ABCA13: variants seen among roughly 807,000 people sequenced by gnomAD.
ABCA13 encodes ATP binding cassette subfamily A member 13, also known as ATP-binding cassette sub-family A member 13.
Under a neutral mutation model 478.7 loss-of-function variants are expected in ABCA13, and 476 were observed. The observed-to-expected ratio is 0.99, with a 90% CI of 0.92 to 1.07. The LOEUF (loss-of-function observed/expected upper bound fraction) is 1.07. Among genes scored for constraint, ABCA13 ranks in the 50% least tolerant of loss-of-function variants. The probability of loss-of-function intolerance (pLI) is 0.00; values close to 1 mark genes in which losing one functional copy is unlikely to be tolerated. For missense variants in ABCA13, 6,060 were observed against 5,910.6 expected (o/e 1.03, Z -0.83); for synonymous variants, 2,252 against 2,158.9 (o/e 1.04, Z -1.20).
intron 42 of ABCA13, among the ~76,000 whole-genome samples, chr7:48,433,765 T>C (rs2129148174): frequency 6.6e-6 from 1 of 152,200 alleles, no homozygotes; most frequent in Non-Finnish European, 1.5e-5. Flanking sequence ...AATGGTATCA[T>C]ACAGTATTTG....
At chr7:48,441,258 CT>C (rs1823551378) in intron 42 of ABCA13, among the ~76,000 whole-genome samples, 1 of 106,076 alleles carries the variant, frequency 9.4e-6, no homozygotes. Flanking sequence ...GATTTAGTTG[CT>C]TTTTGTGTTG....
chr7:48,545,995 C>T (rs977094760), intron 55 of ABCA13, among the ~76,000 whole-genome samples: 2 of 151,722 alleles, frequency 1.3e-5, no homozygotes, highest in African/African-American at 4.8e-5. Context: ...ACTGTTGCTT[C>T]CTTCAATTGA....
At chr7:48,222,321 A>G (rs1213853362) in intron 5 of ABCA13, among the ~76,000 whole-genome samples, 1 of 152,242 alleles carries the variant, frequency 6.6e-6, no homozygotes, top group Non-Finnish European at 1.5e-5. Context: ...TTAAAAAAGA[A>G]ATTATAATAC....
rs990688439 is a variant in ABCA13 at position 48,571,532 on chromosome 7, T to C, written c.14355-8692T>C. ...TTGACACTTTGTGTATGCCATCCTA[T>C]TGTGTTCTGGCCTCTGTGATGTCTG... On this transcript the variant is annotated intron_variant, in intron 55 of 61. Transcript: ENST00000435803. Among the ~76,000 whole-genome samples the C allele has an allele frequency of 3.3e-5, 5 of 152,158 alleles. No homozygotes were observed. The East Asian group carries it at 9.7e-4, about 29-fold the overall frequency.
At chr7:48,643,518 A>C (rs954759409) in intron 60 of ABCA13, 125 bp downstream of exon 60, 2 of 797,772 alleles carry the variant, frequency 2.5e-6, no homozygotes, top group Non-Finnish European at 4.1e-6. Context: ...GCCACATTGC[A>C]AAGTATAGGC....
intron 36 of ABCA13, 63 bp downstream of exon 36, chr7:48,388,022 T>C: frequency 6.4e-7 from 1 of 1,550,598 alleles, no homozygotes; most frequent in Non-Finnish European, 8.7e-7. Context: ...TGATTTTTTT[T>C]TGTTTGTTTT....
At chr7:48,225,646 T>C (rs576282028) in intron 5 of ABCA13, among the ~76,000 whole-genome samples, 1 of 152,350 alleles carries the variant, frequency 6.6e-6, no homozygotes, top group South Asian at 2.1e-4. Context: ...AGATCACTTA[T>C]TTTGTAGACT....
intron 35 of ABCA13, among the ~76,000 whole-genome samples, chr7:48,379,999 G>A (rs1324331938): frequency 1.3e-5 from 2 of 152,134 alleles, no homozygotes; most frequent in East Asian, 3.8e-4. Flanking sequence ...GTAGTGACAG[G>A]AAATAGAGGA....
chr7:48,383,217 G>A (rs956959999), intron 35 of ABCA13, among the ~76,000 whole-genome samples: 3 of 152,214 alleles, frequency 2.0e-5, no homozygotes, highest in Non-Finnish European at 4.4e-5. Flanking sequence ...TAGCTCCATT[G>A]CAAGAAACTG....
At chr7:48,205,510 T>C (rs909255360) in intron 3 of ABCA13, among the ~76,000 whole-genome samples, 1 of 152,262 alleles carries the variant, frequency 6.6e-6, no homozygotes, top group African/African-American at 2.4e-5. Flanking sequence ...TGTAGCTTTC[T>C]AATGTCTTGA....
At chr7:48,470,624 C>A (rs545765639) in intron 44 of ABCA13, among the ~76,000 whole-genome samples, 1 of 152,128 alleles carries the variant, frequency 6.6e-6, no homozygotes, top group Non-Finnish European at 1.5e-5. Flanking sequence ...TCAAAAATTA[C>A]GTAGACATTG....
Position 48,272,574 on chromosome 7 carries a change from C to A in ABCA13, c.2908C>A (p.Arg970=). The stretch of plus-strand genomic sequence containing the variant: ...TCTGCAAATTTATTCTTCATTTTAC[C>A]GATATATTTATGAATTATTGAATAT... ...LLLQIYSSFY[R]YIYELLNIQS... Residue 970 remains arginine (R), a synonymous_variant, in exon 17 of 62, where the codon CGA becomes AGA. Coordinates refer to ENST00000435803, the MANE Select transcript of ABCA13 (RefSeq NM_152701.5). The A allele has an allele frequency of 6.2e-7, 1 of 1,613,526 alleles. No individual in the cohort carries two copies.
In ABCA13 at chr7:48,278,489, A is replaced by T; in HGVS notation, c.7295A>T (p.His2432Leu). The T allele has an allele frequency of 1.2e-6, 2 of 1,613,818 alleles. No homozygotes were observed. Residue 2432 changes from histidine to leucine, a missense_variant, in exon 18 of 62, where the codon CAC becomes CTC. Coordinates refer to ENST00000435803, the MANE Select transcript of ABCA13 (RefSeq NM_152701.5). ...GCAAGACTTCTGGATACAATTTTAC[A>T]CTCTCCTAATAAGGACTTCTATGCT... ...EMARLLDTIL[H>L]SPNKDFYALY...
chr7:48,575,005 T>G (rs774747031), intron 55 of ABCA13, among the ~76,000 whole-genome samples: 1 of 152,130 alleles, frequency 6.6e-6, no homozygotes. Flanking sequence ...TACATTAACA[T>G]TTATAAATAT....
chr7:48,241,143 A>G, intron 10 of ABCA13, 77 bp downstream of exon 10: 3 of 1,489,306 alleles, frequency 2.0e-6, no homozygotes, highest in South Asian at 1.2e-5. Flanking sequence ...TGATACTGTT[A>G]GAAACACATT....
intron 32 of ABCA13, 110 bp downstream of exon 32, chr7:48,368,018 C>A: frequency 1.4e-6 from 1 of 738,004 alleles, no homozygotes; most frequent in Non-Finnish European, 2.2e-6. Context: ...CTTCCCTCTC[C>A]TCTGCTGGGG....
At chr7:48,294,746 C>T (rs1024264039) in intron 20 of ABCA13, among the ~76,000 whole-genome samples, 6 of 152,144 alleles carry the variant, frequency 3.9e-5, no homozygotes, top group Non-Finnish European at 7.3e-5. Flanking sequence ...GCGCCCGGCC[C>T]GTTTCTATGG....
intron 55 of ABCA13, among the ~76,000 whole-genome samples, chr7:48,541,778 T>G (rs1469147794): frequency 6.6e-6 from 1 of 150,446 alleles, no homozygotes; most frequent in Non-Finnish European, 1.5e-5. Context: ...ATCTTAGTTA[T>G]ATCTATATAT....
At chr7:48,619,855 G>T (rs1478834313) in intron 59 of ABCA13, among the ~76,000 whole-genome samples, 1 of 152,078 alleles carries the variant, frequency 6.6e-6, no homozygotes, top group Non-Finnish European at 1.5e-5. Flanking sequence ...CCAGACCCAG[G>T]GCTCTTATAT....
Sources: gnomAD v4.1 joint callset for allele counts (sites outside exome capture counted in the v4.1 genomes callset) on GRCh38, gnomAD v4.1.1 for gene constraint, MANE v1.5 for transcripts, NCBI Gene and HGNC (gene_info 2026-07-23, HGNC 2026-07-21) for gene names.